NKAIN2: variants seen among roughly 807,000 people sequenced by gnomAD.
NKAIN2 encodes the protein sodium/potassium-transporting ATPase subunit beta-1-interacting protein 2.
A neutral mutation model predicts 32.6 loss-of-function variants in NKAIN2; 14 were observed. The observed-to-expected ratio is 0.43, with a 90% CI of 0.28 to 0.67. The LOEUF is 0.67. Among genes scored for constraint, NKAIN2 ranks in the 30% least tolerant of loss-of-function variants. The probability of loss-of-function intolerance (pLI) is 0.17; values close to 1 mark genes in which losing one functional copy is unlikely to be tolerated. For missense variants in NKAIN2, 198 were observed against 258.3 expected (o/e 0.77, Z 1.60); for synonymous variants, 80 against 87.2 (o/e 0.92, Z 0.46).
At chr6:123,923,359 T>A (rs1210258800) in intron 1 of NKAIN2, among the ~76,000 whole-genome samples, 2 of 152,170 alleles carry the variant, frequency 1.3e-5, no homozygotes, top group Non-Finnish European at 2.9e-5. Context: ...ATAAGCTTTT[T>A]TTTTTTGGCA....
chr6:124,291,344 T>A (rs2689870), intron 2 of NKAIN2, among the ~76,000 whole-genome samples: 40,558 of 151,390 alleles, frequency 0.27, 6,869 homozygotes, highest in African/African-American at 0.49. Context: ...ATTTAAAAAT[T>A]GTGTAGTCTT....
chr6:124,688,015 T>C (rs1247788374), intron 4 of NKAIN2, among the ~76,000 whole-genome samples: 1 of 152,006 alleles, frequency 6.6e-6, no homozygotes, highest in Admixed American at 6.6e-5. Context: ...AACAATTTAC[T>C]AACCATCATT....
At chr6:124,304,046 G>T (rs2114983929) in intron 2 of NKAIN2, among the ~76,000 whole-genome samples, 1 of 152,286 alleles carries the variant, frequency 6.6e-6, no homozygotes, top group African/African-American at 2.4e-5. Context: ...TTTAGAAATT[G>T]CTTAATTTAA....
intron 1 of NKAIN2, among the ~76,000 whole-genome samples, chr6:123,908,090 A>G (rs536657996): frequency 3.3e-5 from 5 of 152,296 alleles, no homozygotes; most frequent in Admixed American, 6.5e-5. Flanking sequence ...TAGCTTAGTC[A>G]GGAGAAAGAG....
At chr6:124,056,642 A>G (rs1782667321) in intron 1 of NKAIN2, among the ~76,000 whole-genome samples, 1 of 152,068 alleles carries the variant, frequency 6.6e-6, no homozygotes, top group African/African-American at 2.4e-5. Context: ...ATTAATGGCT[A>G]CACGTTGCCA....
intron 3 of NKAIN2, among the ~76,000 whole-genome samples, chr6:124,408,821 A>G (rs550710860): frequency 4.3e-4 from 66 of 152,258 alleles, no homozygotes; most frequent in African/African-American, 1.5e-3. Flanking sequence ...GATTCTTCCT[A>G]CCCATGAGCA....
chr6:124,645,398 C>T (rs1784133731), intron 3 of NKAIN2, among the ~76,000 whole-genome samples: 1 of 152,148 alleles, frequency 6.6e-6, no homozygotes. Context: ...TCTTGAGGCA[C>T]AGGTCAGCAT....
intron 4 of NKAIN2, among the ~76,000 whole-genome samples, chr6:124,772,746 AG>A (rs1407374367): frequency 1.3e-5 from 2 of 152,200 alleles, no homozygotes; most frequent in African/African-American, 4.8e-5. Context: ...AGGGCTTAAG[AG>A]ACAACTTAGA....
chr6:123,872,654 G>A (rs1027215188), intron 1 of NKAIN2, among the ~76,000 whole-genome samples: 1 of 152,122 alleles, frequency 6.6e-6, no homozygotes, highest in Admixed American at 6.6e-5. Flanking sequence ...AACACACTAC[G>A]GCTCACACAA....
chr6:124,769,022 T>A (rs1315197045), intron 4 of NKAIN2, among the ~76,000 whole-genome samples: 1 of 152,192 alleles, frequency 6.6e-6, no homozygotes, highest in Non-Finnish European at 1.5e-5. Flanking sequence ...CAATCTATAG[T>A]CACATGTTGT....
rs539357292 is a variant in NKAIN2, at chr6:124,220,148, C to T, written c.55-62857C>T. Among the ~76,000 whole-genome samples the T allele has an allele frequency of 2.6e-5, 4 of 152,218 alleles. No homozygotes were observed. The East Asian group carries it at 5.8e-4, about 22-fold the overall frequency. ...TGGGGGTGGCTTTCCCCAAGCTCTTCTCATAATAGTGAGTGAGTTCTCACA... is the reference window on the plus strand; with the variant it reads ...TGGGGGTGGCTTTCCCCAAGCTCTTTTCATAATAGTGAGTGAGTTCTCACA... On this transcript the variant is annotated intron_variant, in intron 1 of 6. Coordinates refer to ENST00000368417, the MANE Select transcript of NKAIN2 (RefSeq NM_001040214.3).
chr6:124,678,948 G>A (rs1030463249), intron 4 of NKAIN2, among the ~76,000 whole-genome samples: 5 of 152,078 alleles, frequency 3.3e-5, no homozygotes, highest in East Asian at 1.9e-4. Context: ...AAATCAGAGC[G>A]ATTTACTAGT....
intron 1 of NKAIN2, among the ~76,000 whole-genome samples, chr6:124,094,697 G>T (rs529733989): frequency 7.0e-4 from 106 of 152,206 alleles, no homozygotes; most frequent in African/African-American, 2.5e-3. Flanking sequence ...GTTTGCTGAT[G>T]TCACCAAAGC....
intron 3 of NKAIN2, among the ~76,000 whole-genome samples, chr6:124,563,686 C>G (rs1021101176): frequency 6.6e-6 from 1 of 152,176 alleles, no homozygotes; most frequent in Non-Finnish European, 1.5e-5. Context: ...GAGATGGAGT[C>G]TCACTCTGTC....
At chr6:123,921,309 T>G (rs1775740359) in intron 1 of NKAIN2, among the ~76,000 whole-genome samples, 1 of 152,228 alleles carries the variant, frequency 6.6e-6, no homozygotes, top group Admixed American at 6.5e-5. Context: ...TTATAAACTA[T>G]ATGTTAAAGC....
chr6:124,348,166 G>A (rs1480764849), intron 2 of NKAIN2, among the ~76,000 whole-genome samples: 2 of 152,106 alleles, frequency 1.3e-5, no homozygotes, highest in African/African-American at 2.4e-5. Flanking sequence ...CGTGATCCGC[G>A]AATGCTGCTG....
At chr6:124,501,804 G>A (rs1778302547) in intron 3 of NKAIN2, among the ~76,000 whole-genome samples, 1 of 152,016 alleles carries the variant, frequency 6.6e-6, no homozygotes, top group African/African-American at 2.4e-5. Flanking sequence ...CCACCTCTGG[G>A]ACAGCTTCCT....
chr6:123,889,317 T>C (rs2114365118), intron 1 of NKAIN2, among the ~76,000 whole-genome samples: 1 of 152,230 alleles, frequency 6.6e-6, no homozygotes, highest in East Asian at 1.9e-4. Flanking sequence ...CTTAAGTCAC[T>C]AAGAATGGTT....
intron 3 of NKAIN2, among the ~76,000 whole-genome samples, chr6:124,603,769 C>A (rs1447463139): frequency 6.6e-6 from 1 of 151,786 alleles, no homozygotes; most frequent in African/African-American, 2.4e-5. Context: ...CAGACTGTCC[C>A]GGGAAAACCC....
Sources: allele counts gnomAD v4.1 joint callset (sites outside exome capture counted in the v4.1 genomes callset), GRCh38; gene constraint gnomAD v4.1.1; transcripts MANE v1.5; gene names NCBI Gene and HGNC (gene_info 2026-07-23, HGNC 2026-07-21).